Variants in GRM8 observed in about 807,000 individuals in gnomAD.
GRM8 encodes glutamate metabotropic receptor 8.
GRM8 carries 47 observed loss-of-function variants against 87.2 expected under a neutral mutation model. That is an observed-to-expected ratio of 0.54 (90% CI 0.43 to 0.69). GRM8 has a LOEUF of 0.69. Among genes scored for constraint, GRM8 ranks in the 30% least tolerant of loss-of-function variants. The probability of loss-of-function intolerance (pLI) is 0.00; values close to 1 mark genes in which losing one functional copy is unlikely to be tolerated. For missense variants in GRM8, 1,019 were observed against 1,139.2 expected (o/e 0.89, Z 1.52); for synonymous variants, 396 against 404.5 (o/e 0.98, Z 0.25).
chr7:126,586,460 T>C (rs1222504854), intron 8 of GRM8, among the ~76,000 whole-genome samples: 1 of 152,166 alleles, frequency 6.6e-6, no homozygotes, highest in Non-Finnish European at 1.5e-5. Context: ...CAAAACAGCA[T>C]GGTACTGGTA....
chr7:126,695,827 C>T (rs73720742), intron 7 of GRM8, among the ~76,000 whole-genome samples: 2,430 of 151,984 alleles, frequency 0.016, 46 homozygotes, highest in African/African-American at 0.045. Context: ...AAGGATGGGG[C>T]GGGGGACACA....
At chr7:127,212,714 G>A (rs1367120961) in intron 2 of GRM8, among the ~76,000 whole-genome samples, 1 of 152,074 alleles carries the variant, frequency 6.6e-6, no homozygotes, top group Non-Finnish European at 1.5e-5. Context: ...ACCGCGCCCG[G>A]CCGACATGGT....
chr7:127,043,138 G>A (rs1397106341), intron 3 of GRM8, among the ~76,000 whole-genome samples: 1 of 152,218 alleles, frequency 6.6e-6, no homozygotes, highest in Non-Finnish European at 1.5e-5. Flanking sequence ...AGGATGTGGA[G>A]AAATAGGAAC....
intron 7 of GRM8, among the ~76,000 whole-genome samples, chr7:126,706,465 G>C (rs370896325): frequency 7.6e-4 from 115 of 152,184 alleles, no homozygotes; most frequent in African/African-American, 2.6e-3. Context: ...TCAGTAAGGT[G>C]GGGGGAAATC....
chr7:127,115,610 T>C (rs1170493887), intron 2 of GRM8, among the ~76,000 whole-genome samples: 2 of 152,212 alleles, frequency 1.3e-5, no homozygotes, highest in Non-Finnish European at 2.9e-5. Context: ...CATGAAATAA[T>C]TTACATATAA....
chr7:126,790,199 G>C (rs1446387142), intron 6 of GRM8, among the ~76,000 whole-genome samples: 3 of 151,976 alleles, frequency 2.0e-5, no homozygotes, highest in African/African-American at 7.3e-5. Flanking sequence ...GTAGAAACAG[G>C]GTTTCACCAT....
At chr7:127,015,072 A>AAGGAAAGAAGGAG (rs757484218) in intron 3 of GRM8, among the ~76,000 whole-genome samples, 2 of 103,796 alleles carry the variant, frequency 1.9e-5, no homozygotes, top group African/African-American at 6.1e-5. Context: ...AAGAAGAAAG[A>AAGGAAAGAAGGAG]AAGAAGGAGA....
intron 3 of GRM8, among the ~76,000 whole-genome samples, chr7:126,933,698 T>C (rs1805994717): frequency 6.6e-6 from 1 of 152,218 alleles, no homozygotes; most frequent in African/African-American, 2.4e-5. Flanking sequence ...ATGTATTTCA[T>C]ACCTCATAAT....
At chr7:127,251,430 C>A (rs1370084843) in intron 1 of GRM8, among the ~76,000 whole-genome samples, 1 of 152,268 alleles carries the variant, frequency 6.6e-6, no homozygotes, top group East Asian at 1.9e-4. Flanking sequence ...ATGGGCTTCG[C>A]GCTTGGCATG....
intron 6 of GRM8, among the ~76,000 whole-genome samples, chr7:126,847,489 C>T (rs757038648): frequency 2.0e-5 from 3 of 152,174 alleles, no homozygotes; most frequent in Non-Finnish European, 4.4e-5. Flanking sequence ...CCCTGTTCCA[C>T]TCAGCATCCA....
intron 2 of GRM8, among the ~76,000 whole-genome samples, chr7:127,199,572 A>C (rs1483280493): frequency 1.3e-5 from 2 of 152,206 alleles, no homozygotes; most frequent in African/African-American, 4.8e-5. Context: ...TCAGGATTAC[A>C]ACCACCCCAG....
At chr7:126,656,470 A>C (rs1804539882) in intron 7 of GRM8, among the ~76,000 whole-genome samples, 1 of 152,124 alleles carries the variant, frequency 6.6e-6, no homozygotes, top group Non-Finnish European at 1.5e-5. Context: ...CAAGGTCAGG[A>C]GATCGAGACC....
intron 3 of GRM8, among the ~76,000 whole-genome samples, chr7:126,939,206 A>G (rs1212499489): frequency 2.6e-5 from 4 of 152,174 alleles, no homozygotes; most frequent in African/African-American, 9.7e-5. Flanking sequence ...CAATTCAATC[A>G]GGGCATTCAC....
chr7:126,610,940 A>G (rs1057482146), intron 7 of GRM8, among the ~76,000 whole-genome samples: 8 of 152,224 alleles, frequency 5.3e-5, no homozygotes, highest in Non-Finnish European at 2.9e-5. Flanking sequence ...TGGAAGTTCC[A>G]TGTCCAGGCT....
At chr7:126,954,596 A>G (rs1204412109) in intron 3 of GRM8, among the ~76,000 whole-genome samples, 3 of 152,164 alleles carry the variant, frequency 2.0e-5, no homozygotes, top group African/African-American at 7.2e-5. Flanking sequence ...TAATTTCCAG[A>G]CCTGGACTTT....
chr7:126,629,034 A>G (rs567213086), intron 7 of GRM8, among the ~76,000 whole-genome samples: 7 of 152,302 alleles, frequency 4.6e-5, no homozygotes, highest in African/African-American at 1.4e-4. Flanking sequence ...CACTAAAACT[A>G]TGGAAAAGAA....
intron 7 of GRM8, among the ~76,000 whole-genome samples, chr7:126,668,366 A>C (rs1806021541): frequency 6.6e-6 from 1 of 152,172 alleles, no homozygotes; most frequent in South Asian, 2.1e-4. Flanking sequence ...CAGTGAGTGA[A>C]ATGGGGACTG....
intron 6 of GRM8, among the ~76,000 whole-genome samples, chr7:126,796,157 G>A (rs1287695975): frequency 6.6e-6 from 1 of 151,948 alleles, no homozygotes; most frequent in Non-Finnish European, 1.5e-5. Context: ...TGTAAATGAA[G>A]AAAGAACACA....
chr7:126,680,971 GA>G (rs925958970), intron 7 of GRM8, among the ~76,000 whole-genome samples: 5 of 152,112 alleles, frequency 3.3e-5, no homozygotes, highest in African/African-American at 1.2e-4. Flanking sequence ...TCCATTGTGT[GA>G]TTGCTTTAAA....
Sources: allele counts gnomAD v4.1 joint callset (sites outside exome capture counted in the v4.1 genomes callset), GRCh38; gene constraint gnomAD v4.1.1; transcripts MANE v1.5; gene names NCBI Gene and HGNC (gene_info 2026-07-23, HGNC 2026-07-21).